The following ESCO2 variants were observed in gnomAD, a reference collection of about 807,000 sequenced individuals.
ESCO2 encodes the protein establishment of sister chromatid cohesion N-acetyltransferase 2.
In ESCO2, 51 loss-of-function variants were observed where a neutral mutation model predicts 61.7. The observed-to-expected ratio is 0.83, with a 90% CI of 0.66 to 1.04. ESCO2 has a LOEUF of 1.04. ESCO2 is among the 50% of genes least tolerant of loss of function. The pLI, the probability that ESCO2 is intolerant of heterozygous loss-of-function variation, is 0.00. For synonymous variants in ESCO2, 230 were observed against 238.2 expected, an observed-to-expected ratio of 0.97 and a Z score of 0.32; for missense variants, 692 against 686.2, an observed-to-expected ratio of 1.01 and a Z score of -0.09.
chr8:27,793,819 A>G (rs928070470), intron 9 of ESCO2, among the ~76,000 whole-genome samples: 1 of 152,180 alleles, frequency 6.6e-6, no homozygotes, highest in African/African-American at 2.4e-5. Flanking sequence ...AGCTGCAGTC[A>G]TGCCATACAA....
Position 27,776,518 on chromosome 8 carries a change from A to G in ESCO2, c.210A>G (p.Ser70=), listed in dbSNP as rs1804793459. ...CAACTGAAATAAATAGACTGCCATCAGCAAATCAAGGCTCACCATTTAAAT... is the reference window on the plus strand; with the variant it reads ...CAACTGAAATAAATAGACTGCCATCGGCAAATCAAGGCTCACCATTTAAAT... The part of the protein sequence containing the change: ...LKTTEINRLP[S]ANQGSPFKSA... Residue 70 remains serine, a synonymous_variant, in exon 3 of 11, where the codon TCA becomes TCG. Coordinates refer to ENST00000305188, the MANE Select transcript of ESCO2 (RefSeq NM_001017420.3). 1 of 1,614,112 alleles carries G rather than the reference A, an allele frequency of 6.2e-7. No homozygotes were observed. Among genetic ancestry groups the G allele is most frequent in the Non-Finnish European group, 8.5e-7 (1 of 1,180,006 alleles).
In ESCO2 at chr8:27,780,227, G is replaced by A. The variant is rs184200865; in HGVS notation, c.915G>A (p.Glu305=). Residue 305 remains glutamate, a synonymous_variant, in exon 4 of 11, where the codon GAG becomes GAA. Transcript: ENST00000305188. ...AGGAACATAAAGTTGATAAAAATGA[G>A]GCTTTTTCTTCAGAGGATTCTCTTG... is the stretch of plus-strand genomic sequence containing the variant. The part of the protein sequence containing the change: ...SSKEHKVDKN[E]AFSSEDSLGE... 4.3e-6 allele frequency: 7 copies of A among 1,611,976 alleles called. No individual in the cohort carries two copies. The East Asian group carries it at 6.7e-5, about 15-fold the overall frequency.
chr8:27,790,038 ATTTGACAGC>A (rs1805140828), intron 7 of ESCO2, among the ~76,000 whole-genome samples: 1 of 152,194 alleles, frequency 6.6e-6, no homozygotes, highest in Non-Finnish European at 1.5e-5. Context: ...TCTGCTTCAA[ATTTGACAGC>A]TTTCTGTTGC....
chr8:27,808,187 TCAA>T, downstream of ESCO2: 1 of 1,190,358 alleles, frequency 8.4e-7, no homozygotes, highest in Non-Finnish European at 1.1e-6. Flanking sequence ...TTTATTCTAA[TCAA>T]CAGATTGTAG....
rs113358024 is a variant in ESCO2 at position 27,777,436 on chromosome 8, C to T, written c.861+267C>T. 5.6e-3 allele frequency: 1,489 copies of T among 263,668 alleles called. 25 individuals carry two copies. Among genetic ancestry groups the T allele is most frequent in the African/African-American group, 0.032 (1,397 of 43,486 alleles). The allele number at this position is 263,668 out of a possible 1,614,324, so 16.3% of individuals were successfully genotyped here. ...ACCTCAGCCTCCCAAGTAGCTGGTA[C>T]TATAGATGCACACCACCTCACCCGG... On this transcript the variant is annotated intron_variant, in intron 3 of 10. Transcript: ENST00000305188.
At chr8:27,779,887 A>G (rs1804884293) in intron 3 of ESCO2, 4 of 335,134 alleles carry the variant, frequency 1.2e-5, no homozygotes, top group Admixed American at 4.2e-5. Context: ...GGATGGTCTC[A>G]ATCCCTTGAC....
rs774261957 is a variant in ESCO2 at position 27,799,639 on chromosome 8, C to G, written c.1596C>G (p.Val532=). 6.2e-7 allele frequency: 1 copy of G among 1,613,684 alleles called. No individual in the cohort carries two copies. The part of the protein sequence containing the change: ...WQCSDVPEPA[V]CGISRIWVFR... Reference sequence around the variant, plus strand: ...GTTCAGATGTACCAGAACCTGCAGTCTGTGGGATAAGTAGAATCTGGGTTT... The same window carrying G: ...GTTCAGATGTACCAGAACCTGCAGTGTGTGGGATAAGTAGAATCTGGGTTT... Residue 532 remains valine, a synonymous_variant, in exon 10 of 11, where the codon GTC becomes GTG. Transcript: ENST00000305188.
chr8:27,798,010 A>G (rs1332091310), intron 9 of ESCO2, among the ~76,000 whole-genome samples: 1 of 152,222 alleles, frequency 6.6e-6, no homozygotes, highest in African/African-American at 2.4e-5. Context: ...GTAATTAAAA[A>G]CTAAATACAC....
At chr8:27,801,075 GTGAGTC>G (rs1345999689) in intron 10 of ESCO2, among the ~76,000 whole-genome samples, 4 of 152,110 alleles carry the variant, frequency 2.6e-5, no homozygotes, top group Non-Finnish European at 4.4e-5. Flanking sequence ...CTTTTAAAGG[GTGAGTC>G]TTACAGTATA....
intron 2 of ESCO2, among the ~76,000 whole-genome samples, chr8:27,776,012 C>T (rs1370519314): frequency 6.6e-6 from 1 of 152,194 alleles, no homozygotes; most frequent in Admixed American, 6.5e-5. Context: ...CAGTTCATTA[C>T]AGACAGTTAT....
chr8:27,803,494 T>C lies in ESCO2; in HGVS notation c.*56T>C. The C allele has an allele frequency of 5.6e-6, 9 of 1,599,086 alleles. No individual in the cohort carries two copies. The highest frequency in any genetic ancestry group is 1.7e-5 in the Admixed American group (1 of 59,118). ...CTGGATAAGTTCAAAGAGCTCCTTA[T>C]TATAAAATACAAACTATTTAATATC... On this transcript the variant is annotated 3_prime_UTR_variant, in exon 11 of 11. Coordinates refer to ENST00000305188, the MANE Select transcript of ESCO2 (RefSeq NM_001017420.3).
intron 1 of ESCO2, among the ~76,000 whole-genome samples, chr8:27,775,133 A>G (rs764070501): frequency 3.3e-5 from 5 of 152,212 alleles, no homozygotes. Flanking sequence ...AGAGATTTTT[A>G]TAAAAAGGGA....
Position 27,803,541 on chromosome 8 carries a change from C to T in ESCO2, c.*103C>T. On this transcript the variant is annotated 3_prime_UTR_variant, in exon 11 of 11. Transcript: ENST00000305188. ...TATCAAAATAAAAAATACCGAGACT[C>T]ACACTCATACACACACACACACACA... 4.8e-6 allele frequency: 7 copies of T among 1,449,352 alleles called. No individual in the cohort carries two copies. The highest frequency in any genetic ancestry group is 6.3e-6 in the Non-Finnish European group (7 of 1,109,060). The allele number at this position is 1,449,352 out of a possible 1,614,324, so 89.8% of individuals were successfully genotyped here.
intron 5 of ESCO2, among the ~76,000 whole-genome samples, 170 bp downstream of exon 5, chr8:27,784,227 ACAT>A (rs1249493805): frequency 6.6e-6 from 1 of 152,186 alleles, no homozygotes; most frequent in Non-Finnish European, 1.5e-5. Flanking sequence ...CCTCATAGAA[ACAT>A]CATAAGAACT....
intron 5 of ESCO2, among the ~76,000 whole-genome samples, chr8:27,786,701 C>G (rs1412023385): frequency 1.3e-5 from 2 of 151,474 alleles, no homozygotes; most frequent in Non-Finnish European, 2.9e-5. Context: ...ATAGATTTGT[C>G]AAGTCAGTTT....
At position 27,803,315 on chromosome 8, in the gene ESCO2, C is replaced by T; in HGVS notation, c.1683C>T (p.Phe561=). Residue 561 remains phenylalanine (F), a synonymous_variant, in exon 11 of 11, where the codon TTC becomes TTT. Coordinates refer to ENST00000305188, the MANE Select transcript of ESCO2 (RefSeq NM_001017420.3). ...TTTTCTTCTCTTTTAGGAATTGCTT[C>T]ATGTTTGGCTGTTTTCTCAGCACTG... ...RRLVDTLRNC[F]MFGCFLSTDE... is the part of the protein sequence containing the mutation. 6.2e-7 allele frequency: 1 copy of T among 1,613,930 alleles called. No individual in the cohort carries two copies.
At chr8:27,801,847 G>A (rs1475111964) in intron 10 of ESCO2, among the ~76,000 whole-genome samples, 1 of 151,730 alleles carries the variant, frequency 6.6e-6, no homozygotes, top group East Asian at 1.9e-4. Context: ...TTAAAAACAA[G>A]AATATTCTCT....
downstream of ESCO2, among the ~76,000 whole-genome samples, chr8:27,815,966 C>A (rs1198472164): frequency 6.6e-6 from 1 of 152,150 alleles, no homozygotes; most frequent in East Asian, 1.9e-4. Flanking sequence ...ACAGTTTATA[C>A]TTTATTTCCC....
downstream of ESCO2, chr8:27,810,326 T>C (rs1198476534): frequency 6.2e-7 from 1 of 1,612,238 alleles, no homozygotes; most frequent in Non-Finnish European, 8.5e-7. Flanking sequence ...TTTCCAGAGC[T>C]TCAACAATGT....
Sources: gnomAD v4.1 joint callset for allele counts (sites outside exome capture counted in the v4.1 genomes callset) on GRCh38, gnomAD v4.1.1 for gene constraint, MANE v1.5 for transcripts, NCBI Gene and HGNC (gene_info 2026-07-23, HGNC 2026-07-21) for gene names.